The following BMPR1B variants were observed in gnomAD, a reference collection of about 807,000 sequenced individuals.
BMPR1B encodes bone morphogenetic protein receptor type 1B.
A neutral mutation model predicts 59.1 loss-of-function variants in BMPR1B; 12 were observed. The ratio of observed to expected loss-of-function variants is 0.20; its 90% CI spans 0.13 to 0.33. BMPR1B has a LOEUF of 0.33. BMPR1B is among the 10% of genes least tolerant of loss of function. The probability of loss-of-function intolerance (pLI) is 1.00; values close to 1 mark genes in which losing one functional copy is unlikely to be tolerated. For synonymous variants in BMPR1B, 237 were observed against 207.3 expected (o/e 1.14, Z -1.23); for missense variants, 550 against 610.9 (o/e 0.90, Z 1.05).
At chr4:94,783,658 T>G (rs1239605277) in intron 1 of BMPR1B, among the ~76,000 whole-genome samples, 8 of 152,216 alleles carry the variant, frequency 5.3e-5, no homozygotes. Flanking sequence ...GCCTCTGGTC[T>G]CCTTATCTTA....
intron 7 of BMPR1B, among the ~76,000 whole-genome samples, chr4:95,124,780 T>TC (rs1732783191): frequency 6.6e-6 from 1 of 152,166 alleles, no homozygotes; most frequent in South Asian, 2.1e-4. Flanking sequence ...TGTAGTTTAT[T>TC]TAGTTTATTT....
intron 3 of BMPR1B, among the ~76,000 whole-genome samples, chr4:95,096,207 A>G (rs1730363747): frequency 6.6e-6 from 1 of 151,688 alleles, no homozygotes; most frequent in Non-Finnish European, 1.5e-5. Flanking sequence ...ACTGTTTTCA[A>G]TTAAATACTT....
intron 10 of BMPR1B, among the ~76,000 whole-genome samples, chr4:95,134,305 C>A (rs1733607707): frequency 6.6e-6 from 1 of 152,168 alleles, no homozygotes; most frequent in African/African-American, 2.4e-5. Context: ...CCAGTCTTTG[C>A]TATTGTGAAT....
rs575790211 is a variant in BMPR1B at position 94,846,380 on chromosome 4, G to A, written c.-182-29451G>A. Among the ~76,000 whole-genome samples the A allele has an allele frequency of 2.0e-4, 30 of 152,234 alleles. No individual in the cohort carries two copies. In the Middle Eastern group the frequency reaches 0.01, roughly 52 times the overall value. On this transcript the variant is annotated intron_variant, in intron 1 of 12. Coordinates refer to ENST00000515059, the MANE Select transcript of BMPR1B (RefSeq NM_001203.3). ...TATTGATCCTGGGTGTGTCTGTGAG[G>A]GTATTGTTAAAGGAGATTAACATTT...
chr4:94,864,490 A>G (rs1289635393), intron 1 of BMPR1B, among the ~76,000 whole-genome samples: 3 of 152,220 alleles, frequency 2.0e-5, no homozygotes, highest in Admixed American at 2.0e-4. Flanking sequence ...CCTGAATTCC[A>G]TATGAAGGAA....
intron 3 of BMPR1B, among the ~76,000 whole-genome samples, chr4:95,100,149 C>T (rs535754165): frequency 5.3e-5 from 8 of 152,186 alleles, no homozygotes; most frequent in African/African-American, 1.7e-4. Context: ...TTCGTCTTCT[C>T]TTGGGATGGA....
chr4:95,073,524 G>T (rs1728476197), intron 3 of BMPR1B, among the ~76,000 whole-genome samples: 1 of 152,062 alleles, frequency 6.6e-6, no homozygotes, highest in Admixed American at 6.6e-5. Flanking sequence ...CTGTTCAGTG[G>T]TGCAGAAGGC....
intron 1 of BMPR1B, among the ~76,000 whole-genome samples, chr4:94,841,206 C>T (rs1422165463): frequency 2.0e-5 from 3 of 149,508 alleles, no homozygotes; most frequent in Non-Finnish European, 4.5e-5. Context: ...GAGGTTACTG[C>T]TGTCTTTTTG....
chr4:94,987,289 A>G (rs1721482968), intron 2 of BMPR1B, among the ~76,000 whole-genome samples: 1 of 147,710 alleles, frequency 6.8e-6, no homozygotes, highest in South Asian at 2.1e-4. Flanking sequence ...AAAATGAATA[A>G]TGATATTCCT....
At chr4:94,941,233 C>T (rs35716337) in intron 2 of BMPR1B, among the ~76,000 whole-genome samples, 35,770 of 151,746 alleles carry the variant, frequency 0.24, 4,477 homozygotes, top group Middle Eastern at 0.28. Flanking sequence ...AGTTTGAGAC[C>T]AGCCTGGCCA....
chr4:95,114,864 A>G, intron 5 of BMPR1B, 42 bp downstream of exon 5: 2 of 1,522,046 alleles, frequency 1.3e-6, no homozygotes, highest in Non-Finnish European at 1.8e-6. Flanking sequence ...CATTGGCTAG[A>G]TTTCCAACAA....
intron 3 of BMPR1B, among the ~76,000 whole-genome samples, chr4:95,053,425 C>A (rs148565172): frequency 6.6e-6 from 1 of 151,980 alleles, no homozygotes; most frequent in African/African-American, 2.4e-5. Flanking sequence ...CTCTGCCACT[C>A]ACTAGTTGTA....
intron 2 of BMPR1B, among the ~76,000 whole-genome samples, chr4:94,914,460 G>A (rs1728404669): frequency 6.6e-6 from 1 of 152,134 alleles, no homozygotes; most frequent in African/African-American, 2.4e-5. Flanking sequence ...CACTCTGAAA[G>A]TGAGTCACTT....
intron 1 of BMPR1B, among the ~76,000 whole-genome samples, chr4:94,837,378 C>G (rs1277922063): frequency 1.4e-5 from 2 of 143,766 alleles, no homozygotes; most frequent in Non-Finnish European, 3.1e-5. Context: ...GATATTGATT[C>G]TTCCTACCCA....
At chr4:95,132,638 C>T (rs1313312599) in intron 10 of BMPR1B, among the ~76,000 whole-genome samples, 1 of 151,408 alleles carries the variant, frequency 6.6e-6, no homozygotes, top group Non-Finnish European at 1.5e-5. Flanking sequence ...CTCTGACCTA[C>T]AACCCTTTTC....
At chr4:95,136,450 T>A (rs1733793740) in intron 10 of BMPR1B, among the ~76,000 whole-genome samples, 1 of 152,212 alleles carries the variant, frequency 6.6e-6, no homozygotes, top group Admixed American at 6.5e-5. Flanking sequence ...GGATTCCCTC[T>A]CTTTCTGTTG....
chr4:94,887,764 A>G (rs949105393), intron 2 of BMPR1B, among the ~76,000 whole-genome samples: 10 of 152,072 alleles, frequency 6.6e-5, no homozygotes, highest in African/African-American at 2.4e-4. Context: ...AAGACTGGCA[A>G]TAAAGGAATA....
At chr4:95,137,135 G>T (rs1733854479) in intron 10 of BMPR1B, among the ~76,000 whole-genome samples, 1 of 152,186 alleles carries the variant, frequency 6.6e-6, no homozygotes, top group South Asian at 2.1e-4. Context: ...TGGTTTCAAA[G>T]AACATCTTTA....
At chr4:94,784,883 G>A (rs568324473) in intron 1 of BMPR1B, among the ~76,000 whole-genome samples, 62 of 152,282 alleles carry the variant, frequency 4.1e-4, no homozygotes, top group African/African-American at 1.4e-3. Flanking sequence ...CTTTGGTACA[G>A]CCTTCCTGTG....
Sources: gnomAD v4.1 joint callset for allele counts (sites outside exome capture counted in the v4.1 genomes callset) on GRCh38, gnomAD v4.1.1 for gene constraint, MANE v1.5 for transcripts, NCBI Gene and HGNC (gene_info 2026-07-23, HGNC 2026-07-21) for gene names.